The following PRDM16 variants were observed in gnomAD, a reference collection of about 807,000 sequenced individuals.
PRDM16 encodes histone-lysine N-methyltransferase PRDM16.
A neutral mutation model predicts 110.6 loss-of-function variants in PRDM16; 23 were observed. The ratio of observed to expected loss-of-function variants is 0.21; its 90% CI spans 0.15 to 0.29. The LOEUF is 0.29. PRDM16 is among the 10% of genes least tolerant of loss of function. The pLI, the probability that PRDM16 is intolerant of heterozygous loss-of-function variation, is 1.00. For synonymous variants in PRDM16, 799 were observed against 781.8 expected (o/e 1.02, Z -0.37); for missense variants, 1,615 against 1,794.3 (o/e 0.90, Z 1.81).
At chr1:3,314,130 G>A (rs149877645) in intron 3 of PRDM16, among the ~76,000 whole-genome samples, 103 of 150,398 alleles carry the variant, frequency 6.8e-4, no homozygotes, top group East Asian at 1.4e-3. Context: ...GGAGCGGACC[G>A]CCTGAGCCCT....
At chr1:3,327,147 CT>C (rs1299769217) in intron 3 of PRDM16, among the ~76,000 whole-genome samples, 2 of 152,220 alleles carry the variant, frequency 1.3e-5, no homozygotes, top group African/African-American at 4.8e-5. Context: ...GAGACTGCAT[CT>C]TTTTTTATTC....
At chr1:3,396,025 T>C (rs1002957130) in intron 4 of PRDM16, among the ~76,000 whole-genome samples, 2 of 152,192 alleles carry the variant, frequency 1.3e-5, no homozygotes, top group Admixed American at 1.3e-4. Context: ...ATGTCCTGAC[T>C]CACTGGCCAG....
chr1:3,412,016 G>A lies in PRDM16; in HGVS notation c.1819G>A (p.Val607Ile), dbSNP rs773704725. 1.5e-5 allele frequency: 24 copies of A among 1,613,450 alleles called. No individual in the cohort carries two copies. The highest frequency in any genetic ancestry group is 5.5e-5 in the South Asian group (5 of 91,074). The change falls in exon 9 of 17, where the codon GTC becomes ATC. Residue 607 changes from valine (V) to isoleucine (I), a missense_variant. By Grantham distance (29) the Val-to-Ile change is conservative (BLOSUM62 3). Transcript: ENST00000270722. ...GTCGGACGGCAGTGACTTTGAGGAC[G>A]TCAACACCACCACGGGGACCGACCT... ...DMSDGSDFED[V>I]NTTTGTDLDT...
At chr1:3,380,143 G>A (rs535758847) in intron 3 of PRDM16, among the ~76,000 whole-genome samples, 10 of 148,806 alleles carry the variant, frequency 6.7e-5, no homozygotes, top group East Asian at 2.0e-4. Context: ...TGCCCCTCCC[G>A]GTGCATGCCC....
intron 1 of PRDM16, among the ~76,000 whole-genome samples, chr1:3,138,866 T>C (rs1200258813): frequency 6.6e-6 from 1 of 152,150 alleles, no homozygotes; most frequent in Non-Finnish European, 1.5e-5. Flanking sequence ...GCAGCTGCCA[T>C]CTTGTGATGT....
chr1:3,349,747 A>G (rs1642444129), intron 3 of PRDM16, among the ~76,000 whole-genome samples: 1 of 152,086 alleles, frequency 6.6e-6, no homozygotes, highest in African/African-American at 2.4e-5. Flanking sequence ...TCCCTGGCTG[A>G]GCTGTCTACT....
At chr1:3,154,494 C>T (rs953168008) in intron 1 of PRDM16, among the ~76,000 whole-genome samples, 1 of 152,202 alleles carries the variant, frequency 6.6e-6, no homozygotes, top group Non-Finnish European at 1.5e-5. Flanking sequence ...CTGTGGGCAG[C>T]ACACTCCTCC....
At position 3,412,031 on chromosome 1, in the gene PRDM16, G is replaced by A. The variant is rs777145190; in HGVS notation, c.1834G>A (p.Gly612Arg). The A allele has an allele frequency of 2.5e-5, 40 of 1,613,128 alleles. No homozygotes were observed. The highest frequency in any genetic ancestry group is 3.1e-5 in the Non-Finnish European group (36 of 1,179,766). The change falls in exon 9 of 17, where the codon GGG becomes AGG. Residue 612 changes from glycine (G) to arginine (R), a missense_variant. Coordinates refer to ENST00000270722, the MANE Select transcript of PRDM16 (RefSeq NM_022114.4). Reference sequence around the variant, plus strand: ...CTTTGAGGACGTCAACACCACCACGGGGACCGACCTGGACACGACCACGGG... The same window carrying A: ...CTTTGAGGACGTCAACACCACCACGAGGACCGACCTGGACACGACCACGGG... ...SDFEDVNTTT[G>R]TDLDTTTGTG... is the part of the protein sequence containing the mutation.
intron 1 of PRDM16, among the ~76,000 whole-genome samples, chr1:3,158,778 C>CT (rs558510731): frequency 0.018 from 1,933 of 107,838 alleles, 71 homozygotes; most frequent in East Asian, 0.12. Context: ...TTCTTTCCTT[C>CT]TTTTTTTTTT....
chr1:3,169,452 C>G (rs898623620), intron 1 of PRDM16, among the ~76,000 whole-genome samples: 1 of 152,020 alleles, frequency 6.6e-6, no homozygotes, highest in Admixed American at 6.5e-5. Flanking sequence ...GGCCGAGGGG[C>G]TTGTTGGCCT....
intron 3 of PRDM16, among the ~76,000 whole-genome samples, chr1:3,270,892 G>A (rs1011519483): frequency 2.0e-5 from 3 of 151,828 alleles, no homozygotes; most frequent in African/African-American, 7.3e-5. Context: ...GAGGACCGTT[G>A]GGAGGAGGGC....
chr1:3,348,358 G>A (rs1217819771), intron 3 of PRDM16, among the ~76,000 whole-genome samples: 3 of 152,236 alleles, frequency 2.0e-5, no homozygotes, highest in South Asian at 2.1e-4. Context: ...CAGGTCACTC[G>A]TTAGTATTCG....
chr1:3,350,717 C>A lies in PRDM16; in HGVS notation c.439-34435C>A, dbSNP rs2500256. ...CATGCAGCCTCCCAGATGGCCGGGC[C>A]GGGCTGGTTCCTCCCTCCCAGGACA... On this transcript the variant is annotated intron_variant, in intron 3 of 16. Transcript: ENST00000270722. The surrounding 1 kb of genome is among the most constrained non-coding windows in gnomAD (Gnocchi z 7.1). Among the ~76,000 whole-genome samples the A allele has an allele frequency of 0.035, 5,333 of 152,204 alleles. 103 individuals carry two copies. The highest frequency in any genetic ancestry group is 0.051 in the Middle Eastern group (15 of 294).
At chr1:3,372,088 C>A (rs920652484) in intron 3 of PRDM16, among the ~76,000 whole-genome samples, 1 of 152,210 alleles carries the variant, frequency 6.6e-6, no homozygotes, top group Non-Finnish European at 1.5e-5. Context: ...TTTGAGAGGG[C>A]CTGAGGGTGA....
intron 1 of PRDM16, among the ~76,000 whole-genome samples, chr1:3,098,483 T>C (rs1173602478): frequency 6.6e-6 from 1 of 152,046 alleles, no homozygotes; most frequent in African/African-American, 2.4e-5. Flanking sequence ...TCCCCCAGAC[T>C]CCCATCCAGC....
chr1:3,397,319 C>T (rs968026331), intron 5 of PRDM16, among the ~76,000 whole-genome samples: 6 of 152,230 alleles, frequency 3.9e-5, no homozygotes, highest in East Asian at 1.9e-4. Context: ...CCCTCTCTGT[C>T]GAGTAGAGAT....
intron 2 of PRDM16, among the ~76,000 whole-genome samples, chr1:3,215,302 A>G (rs1638992799): frequency 7.8e-6 from 1 of 127,930 alleles, no homozygotes. Context: ...CACTGGGACC[A>G]TGTCAGGAAG....
At chr1:3,418,618 T>G in intron 11 of PRDM16, 49 bp from the exon 12 acceptor site, 2 of 1,305,626 alleles carry the variant, frequency 1.5e-6, no homozygotes, top group Non-Finnish European at 2.2e-6. Context: ...AATGGCCATG[T>G]AAGCCCACCC....
In PRDM16 at chr1:3,426,030, G is replaced by A. The variant is rs377765726; in HGVS notation, c.3110-21G>A. ...GGGGTCCAGCGAGAGGCCGCCCCCT[G>A]ATGCTCCCGCCCCTCCGCAGTGAGC... On this transcript the variant is annotated intron_variant, in intron 13 of 16. Transcript: ENST00000270722. 227 of 1,600,228 alleles carry A rather than the reference G, an allele frequency of 1.4e-4. No homozygotes were observed. The African/African-American group carries it at 2.8e-3, about 19-fold the overall frequency.
Sources: allele counts gnomAD v4.1 joint callset (sites outside exome capture counted in the v4.1 genomes callset), GRCh38; gene constraint gnomAD v4.1.1; non-coding constraint Gnocchi (gnomAD v3.1); transcripts MANE v1.5; gene names NCBI Gene and HGNC (gene_info 2026-07-23, HGNC 2026-07-21).